OTOG: variants seen among roughly 807,000 people sequenced by gnomAD.
OTOG encodes the protein otogelin.
OTOG carries 296 observed loss-of-function variants against 313.8 expected under a neutral mutation model. That is an observed-to-expected ratio of 0.94 (90% CI 0.86 to 1.04). OTOG has a LOEUF of 1.04. Ranked by LOEUF, OTOG falls within the 50% of genes least tolerant of loss-of-function variation. The pLI is 0.00. For missense variants in OTOG, 3,948 were observed against 3,840.1 expected (o/e 1.03, Z -0.74); for synonymous variants, 1,533 against 1,554.9 (o/e 0.99, Z 0.33).
At chr11:17,596,808 T>C in intron 29 of OTOG, 43 bp from the exon 30 acceptor site, 1 of 1,514,106 alleles carries the variant, frequency 6.6e-7, no homozygotes. Flanking sequence ...AGATCTGACA[T>C]TTGGGATCTG....
chr11:17,578,276 A>G (rs1191615096), intron 22 of OTOG, 97 bp from the exon 23 acceptor site: 1 of 1,408,822 alleles, frequency 7.1e-7, no homozygotes, highest in Non-Finnish European at 9.2e-7. Context: ...GAGACTTCCG[A>G]GCCCGTCTCT....
intron 24 of OTOG, among the ~76,000 whole-genome samples, chr11:17,589,425 T>A (rs1281736053): frequency 6.6e-6 from 1 of 152,166 alleles, no homozygotes; most frequent in East Asian, 1.9e-4. Flanking sequence ...TCTGTACCCA[T>A]GTATTTTGCC....
In OTOG at chr11:17,605,741, T is replaced by C. The variant is rs1044473693; in HGVS notation, c.3878-116T>C. 26 of 1,146,944 alleles carry C rather than the reference T, an allele frequency of 2.3e-5. No homozygotes were observed. In the African/African-American group the frequency reaches 3.6e-4, roughly 16 times the overall value. 71.0% of individuals were successfully genotyped at this position (1,146,944 alleles called of 1,614,324 possible). Reference sequence around the variant, plus strand: ...TGGTGTAGGGGGCAGGGCCTGCTGGTCTGCAGGCGTGCTGCCATCCAGAGT... The same window carrying C: ...TGGTGTAGGGGGCAGGGCCTGCTGGCCTGCAGGCGTGCTGCCATCCAGAGT... On this transcript the variant is annotated intron_variant, in intron 32 of 55. Transcript: ENST00000399397.
intron 27 of OTOG, 26 bp downstream of exon 27, chr11:17,593,782 G>A: frequency 6.5e-7 from 1 of 1,544,018 alleles, no homozygotes; most frequent in Non-Finnish European, 8.7e-7. Flanking sequence ...GTGACATTCT[G>A]CTCCTGCCTG....
intron 34 of OTOG, 66 bp downstream of exon 34, chr11:17,608,479 T>C (rs954199885): frequency 2.8e-6 from 3 of 1,079,818 alleles, no homozygotes; most frequent in Non-Finnish European, 1.3e-6. Flanking sequence ...TGCACTCACA[T>C]ACACTTGTGT....
intron 15 of OTOG, among the ~76,000 whole-genome samples, chr11:17,563,087 A>G (rs1057441530): frequency 2.0e-5 from 3 of 152,204 alleles, no homozygotes; most frequent in Admixed American, 6.5e-5. Flanking sequence ...GCTTCCTGGA[A>G]GACATGACCC....
At chr11:17,591,335 A>G in intron 24 of OTOG, 115 bp from the exon 25 acceptor site, 2 of 1,389,256 alleles carry the variant, frequency 1.4e-6, no homozygotes, top group Non-Finnish European at 1.9e-6. Context: ...GTGTTTGTTG[A>G]CCTCTTTGCC....
intron 15 of OTOG, among the ~76,000 whole-genome samples, chr11:17,567,444 A>G (rs1852312194): frequency 6.6e-6 from 1 of 152,242 alleles, no homozygotes. Context: ...GATAAAGTCT[A>G]AAAATATTTC....
At chr11:17,645,232 G>C (rs938553881) in intron 54 of OTOG, among the ~76,000 whole-genome samples, 11 of 152,228 alleles carry the variant, frequency 7.2e-5, no homozygotes, top group Non-Finnish European at 1.3e-4. Flanking sequence ...GGCCAACACA[G>C]CTTAGAAATA....
At chr11:17,596,681 G>A (rs1328337281) in intron 29 of OTOG, among the ~76,000 whole-genome samples, 170 bp from the exon 30 acceptor site, 1 of 152,246 alleles carries the variant, frequency 6.6e-6, no homozygotes, top group Non-Finnish European at 1.5e-5. Flanking sequence ...CATCTGCCTG[G>A]ACCATGGAGT....
At position 17,574,829 on chromosome 11, in the gene OTOG, C is replaced by T. The variant is rs1469131232; in HGVS notation, c.2403C>T (p.Asp801=). The T allele has an allele frequency of 1.3e-6, 2 of 1,550,144 alleles. No individual in the cohort carries two copies. The highest frequency in any genetic ancestry group is 3.9e-5 in the Admixed American group (2 of 50,922). Residue 801 remains aspartate, a synonymous_variant, in exon 20 of 56, where the codon GAC becomes GAT. Transcript: ENST00000399397. ...PEACGVDGGD[D]LSRDECVEGC... is the part of the protein sequence containing the mutation. ...CCTGTGGGGTTGATGGTGGCGATGA[C>T]CTGAGCAGAGACGAGTGTGTGGAGG...
intron 25 of OTOG, 93 bp from the exon 26 acceptor site, chr11:17,593,100 G>A: frequency 7.8e-7 from 1 of 1,275,418 alleles, no homozygotes; most frequent in African/African-American, 1.5e-5. Flanking sequence ...TGGACTGAAA[G>A]CCACTCCAGA....
intron 40 of OTOG, among the ~76,000 whole-genome samples, 164 bp downstream of exon 40, chr11:17,629,480 G>T (rs1854064856): frequency 6.6e-6 from 1 of 152,198 alleles, no homozygotes; most frequent in Admixed American, 6.5e-5. Context: ...GTGTCCTGGG[G>T]CCAAAGCTGC....
At chr11:17,568,754 G>T (rs1019486502) in intron 15 of OTOG, among the ~76,000 whole-genome samples, 16 of 152,174 alleles carry the variant, frequency 1.1e-4, no homozygotes, top group African/African-American at 3.9e-4. Flanking sequence ...TCAGTGGAGT[G>T]CAGGATGTGA....
intron 33 of OTOG, among the ~76,000 whole-genome samples, chr11:17,607,272 G>A (rs577160933): frequency 7.9e-5 from 12 of 152,320 alleles, no homozygotes; most frequent in Admixed American, 2.0e-4. Context: ...AGGAGCTGCC[G>A]GTGGGGGATG....
Position 17,645,758 on chromosome 11 carries a change from C to A in OTOG, c.8556C>A (p.Ser2852=), listed in dbSNP as rs1368161742. ...GCCCGTTCCAGGTGAACCTAGTGTC[C>A]TGCGATGGGAGGTGCCCATCCGCCA... ...CRSSTPVNLV[S]CDGRCPSASI... Residue 2852 remains serine, a synonymous_variant, in exon 56 of 56, where the codon TCC becomes TCA. Coordinates refer to ENST00000399397, the MANE Select transcript of OTOG (RefSeq NM_001292063.2). 6.4e-7 allele frequency: 1 copy of A among 1,550,788 alleles called. No homozygotes were observed. Among genetic ancestry groups the A allele is most frequent in the African/African-American group, 1.4e-5 (1 of 73,072 alleles).
intron 39 of OTOG, 22 bp downstream of exon 39, chr11:17,613,723 C>G: frequency 1.3e-6 from 2 of 1,545,064 alleles, no homozygotes; most frequent in Non-Finnish European, 8.8e-7. Context: ...AAACAGCCAG[C>G]CTCCAGGGCA....
Position 17,610,896 on chromosome 11 carries a change from G to T in OTOG, c.5596G>T (p.Ala1866Ser). ...CCAGGCGCACCCACCCACTCACATA[G>T]CACCCCCAGCAGCAGGCACAGCTCC... ...MTQAHPPTHIAPPAAGTAPGL... is the reference protein window; with the variant it reads ...MTQAHPPTHISPPAAGTAPGL... Residue 1866 changes from alanine to serine, a missense_variant, in exon 36 of 56, where the codon GCA becomes TCA. Coordinates refer to ENST00000399397, the MANE Select transcript of OTOG (RefSeq NM_001292063.2). 1 of 1,550,524 alleles carries T rather than the reference G, an allele frequency of 6.4e-7. No homozygotes were observed. The highest frequency in any genetic ancestry group is 8.7e-7 in the Non-Finnish European group (1 of 1,146,966).
rs868021809 is a variant in OTOG at position 17,612,706 on chromosome 11, A to G, written c.6379A>G (p.Ser2127Gly). The change falls in exon 38 of 56, where the codon AGC becomes GGC. Residue 2127 changes from serine to glycine, a missense_variant. Ser to Gly is a moderately conservative substitution (Grantham distance 56, BLOSUM62 0). Coordinates refer to ENST00000399397, the MANE Select transcript of OTOG (RefSeq NM_001292063.2). Reference protein sequence around the residue: ...ALFKEAIYILSQSPDEMLTVH... With the variant: ...ALFKEAIYILGQSPDEMLTVH... ...GTTCAAGGAGGCCATCTACATCCTC[A>G]GCCAGAGCCCAGATGAAATGCTCAC... The G allele has an allele frequency of 6.4e-7, 1 of 1,550,604 alleles. No individual in the cohort carries two copies. Among genetic ancestry groups the G allele is most frequent in the Non-Finnish European group, 8.7e-7 (1 of 1,146,964 alleles).
Sources: allele counts gnomAD v4.1 joint callset (sites outside exome capture counted in the v4.1 genomes callset), GRCh38; gene constraint gnomAD v4.1.1; transcripts MANE v1.5; gene names NCBI Gene and HGNC (gene_info 2026-07-23, HGNC 2026-07-21).